The following GRID1 variants were observed in gnomAD, a reference collection of about 807,000 sequenced individuals.
GRID1 encodes glutamate receptor ionotropic, delta-1.
GRID1 carries 28 observed loss-of-function variants against 98.0 expected under a neutral mutation model. That is an observed-to-expected ratio of 0.29 (90% confidence interval 0.21 to 0.39). The LOEUF (loss-of-function observed/expected upper bound fraction) is 0.39. GRID1 is among the 10% of genes least tolerant of loss of function. GRID1 has a pLI of 1.00. For missense variants in GRID1, 1,111 were observed against 1,340.5 expected, an observed-to-expected ratio of 0.83 and a Z score of 2.67; for synonymous variants, 553 against 538.5, an observed-to-expected ratio of 1.03 and a Z score of -0.37.
At chr10:86,313,101 G>A (rs1439050026) in intron 2 of GRID1, among the ~76,000 whole-genome samples, 1 of 152,236 alleles carries the variant, frequency 6.6e-6, no homozygotes, top group Non-Finnish European at 1.5e-5. Context: ...TCAGGGCTGG[G>A]GGAGGAGCCT....
intron 5 of GRID1, among the ~76,000 whole-genome samples, chr10:85,881,032 A>G (rs1841001002): frequency 6.6e-6 from 1 of 152,218 alleles, no homozygotes; most frequent in Non-Finnish European, 1.5e-5. Context: ...AACTGCTTCA[A>G]AGAGAATAAA....
chr10:85,679,042 T>C (rs1046756919), intron 12 of GRID1, among the ~76,000 whole-genome samples: 5 of 152,216 alleles, frequency 3.3e-5, no homozygotes, highest in Non-Finnish European at 7.3e-5. Flanking sequence ...TTTAATCCAG[T>C]ACTCTTTCTA....
At chr10:85,694,511 T>A (rs1442889781) in intron 12 of GRID1, among the ~76,000 whole-genome samples, 2 of 138,958 alleles carry the variant, frequency 1.4e-5, no homozygotes, top group Non-Finnish European at 3.1e-5. Context: ...TCAACTTAAA[T>A]GTCCATCAAC....
chr10:85,812,210 C>T (rs1470421521), intron 8 of GRID1, among the ~76,000 whole-genome samples: 2 of 152,002 alleles, frequency 1.3e-5, no homozygotes, highest in African/African-American at 4.8e-5. Flanking sequence ...AGTCCTACAT[C>T]TGGAAGTGAA....
At position 86,206,212 on chromosome 10, in the gene GRID1, C is replaced by T. The variant is rs1846022628; in HGVS notation, c.520+152G>A. On this transcript the variant is annotated intron_variant, in intron 3 of 15. Transcript: ENST00000327946. The surrounding 1 kb of genome is among the most constrained non-coding windows in gnomAD (Gnocchi z 4.1). ...GAGCTGTTGTTGCAGCTCTTCCTGA[C>T]TCATGAAGCTCGAGGTTTGACCCTA... 1 of 634,524 alleles carries T rather than the reference C, an allele frequency of 1.6e-6. No individual in the cohort carries two copies. The highest frequency in any genetic ancestry group is 1.8e-5 in the African/African-American group (1 of 54,622). 39.3% of individuals were successfully genotyped at this position (634,524 alleles called of 1,614,324 possible).
intron 2 of GRID1, among the ~76,000 whole-genome samples, chr10:86,243,785 T>A (rs937714582): frequency 6.6e-6 from 1 of 152,178 alleles, no homozygotes; most frequent in Non-Finnish European, 1.5e-5. Context: ...CCAGTCTGAT[T>A]CTGGCCAACC....
At chr10:86,010,300 C>T (rs532562964) in intron 4 of GRID1, among the ~76,000 whole-genome samples, 1 of 152,240 alleles carries the variant, frequency 6.6e-6, no homozygotes, top group African/African-American at 2.4e-5. Context: ...GTGTGCTGAG[C>T]ATTGGGGCTA....
intron 13 of GRID1, among the ~76,000 whole-genome samples, chr10:85,633,687 GTA>G (rs1368044676): frequency 6.6e-6 from 1 of 152,202 alleles, no homozygotes; most frequent in African/African-American, 2.4e-5. Context: ...TTGTGGCTAA[GTA>G]TTCCTTTATA....
At chr10:85,632,014 C>CA (rs56099800) in intron 13 of GRID1, among the ~76,000 whole-genome samples, 4 of 149,336 alleles carry the variant, frequency 2.7e-5, no homozygotes, top group Non-Finnish European at 6.0e-5. Flanking sequence ...CACACACACA[C>CA]AAGAATGTAA....
chr10:86,169,060 C>T (rs890421988), intron 3 of GRID1, among the ~76,000 whole-genome samples: 3 of 152,178 alleles, frequency 2.0e-5, no homozygotes, highest in Non-Finnish European at 2.9e-5. Context: ...GTGTGTCTGA[C>T]GTAAAAGATG....
chr10:85,727,775 T>C, intron 10 of GRID1, 80 bp downstream of exon 10: 1 of 1,053,024 alleles, frequency 9.5e-7, no homozygotes, highest in Non-Finnish European at 1.5e-6. Context: ...AGGTTTCCAC[T>C]GTGCAATTGG....
chr10:85,910,966 A>C (rs1410024150), intron 5 of GRID1, among the ~76,000 whole-genome samples: 1 of 152,228 alleles, frequency 6.6e-6, no homozygotes, highest in African/African-American at 2.4e-5. Flanking sequence ...AAACCCTGCC[A>C]AAACCCCAAA....
At chr10:85,984,558 C>G (rs765689486) in intron 4 of GRID1, among the ~76,000 whole-genome samples, 7 of 152,174 alleles carry the variant, frequency 4.6e-5, no homozygotes, top group Non-Finnish European at 8.8e-5. Context: ...GAGAGGTGGG[C>G]AGGAAACTCA....
chr10:85,831,368 C>A (rs1169759712), intron 8 of GRID1, among the ~76,000 whole-genome samples: 1 of 152,056 alleles, frequency 6.6e-6, no homozygotes, highest in Non-Finnish European at 1.5e-5. Flanking sequence ...ATAATCTGTA[C>A]ACCAAACCCC....
chr10:85,612,584 G>C (rs1842746246), intron 15 of GRID1, among the ~76,000 whole-genome samples: 1 of 152,028 alleles, frequency 6.6e-6, no homozygotes, highest in Non-Finnish European at 1.5e-5. Flanking sequence ...ACATAGCTGA[G>C]GTCTATGTGG....
chr10:85,927,180 T>A (rs1220461186), intron 4 of GRID1, among the ~76,000 whole-genome samples: 1 of 152,170 alleles, frequency 6.6e-6, no homozygotes, highest in Non-Finnish European at 1.5e-5. Flanking sequence ...GCATGCACTC[T>A]CCCCAGCAGG....
At chr10:85,989,808 A>G (rs1191154363) in intron 4 of GRID1, among the ~76,000 whole-genome samples, 3 of 152,236 alleles carry the variant, frequency 2.0e-5, no homozygotes, top group Non-Finnish European at 4.4e-5. Flanking sequence ...CTGACAGTTT[A>G]TATCTCTGCA....
chr10:85,628,028 T>C (rs1341428013), intron 13 of GRID1, among the ~76,000 whole-genome samples: 2 of 151,682 alleles, frequency 1.3e-5, no homozygotes, highest in East Asian at 1.9e-4. Context: ...TGTGTGTGTG[T>C]GCATGAGAAT....
At chr10:85,771,039 A>G (rs1842259956) in intron 8 of GRID1, among the ~76,000 whole-genome samples, 1 of 152,208 alleles carries the variant, frequency 6.6e-6, no homozygotes, top group Non-Finnish European at 1.5e-5. Flanking sequence ...CCAAAGTTGA[A>G]ATGAAGGAAA....
Sources: allele counts gnomAD v4.1 joint callset (sites outside exome capture counted in the v4.1 genomes callset), GRCh38; gene constraint gnomAD v4.1.1; non-coding constraint Gnocchi (gnomAD v3.1); transcripts MANE v1.5; gene names NCBI Gene and HGNC (gene_info 2026-07-23, HGNC 2026-07-21).